PSPC1: variants seen among roughly 807,000 people sequenced by gnomAD.
The protein encoded by PSPC1 is paraspeckle protein 1.
A neutral mutation model predicts 51.6 loss-of-function variants in PSPC1; 14 were observed. That is an observed-to-expected ratio of 0.27 (90% CI 0.18 to 0.42). The LOEUF (loss-of-function observed/expected upper bound fraction) is 0.42. Among genes scored for constraint, PSPC1 ranks in the 10% least tolerant of loss-of-function variants. PSPC1 has a pLI of 1.00. For synonymous variants in PSPC1, 193 were observed against 231.9 expected (o/e 0.83, Z 1.53); for missense variants, 406 against 701.1 (o/e 0.58, Z 4.75).
chr13:19,719,243 A>G (rs1344547441), intron 6 of PSPC1, among the ~76,000 whole-genome samples: 1 of 152,124 alleles, frequency 6.6e-6, no homozygotes, highest in Non-Finnish European at 1.5e-5. Flanking sequence ...TACCTTCCAC[A>G]TAATCTTGCT....
chr13:19,780,985 C>T (rs1401178372), intron 1 of PSPC1, among the ~76,000 whole-genome samples: 2 of 151,740 alleles, frequency 1.3e-5, no homozygotes, highest in Non-Finnish European at 2.9e-5. Context: ...GGCGAAACAC[C>T]GCCTCTACAA....
Position 19,782,904 on chromosome 13 carries a change from TC to T in PSPC1, c.-148del. On this transcript the variant is annotated 5_prime_UTR_variant, in exon 1 of 9. An upstream open reading frame in the 5' UTR gains an earlier in-frame stop. Coordinates refer to ENST00000338910, the MANE Select transcript of PSPC1 (RefSeq NM_001354909.2). The surrounding 1 kb of genome is among the most constrained non-coding windows in gnomAD (Gnocchi z 4.5). ...AGGTAGGCGAGTCGGCAACCCGTCCTCCCCCAACTCACGCCCGCTGCAGCTG... is the reference window on the plus strand; with the variant it reads ...AGGTAGGCGAGTCGGCAACCCGTCCTCCCCAACTCACGCCCGCTGCAGCTG... 2 of 856,230 alleles carry T rather than the reference TC, an allele frequency of 2.3e-6. No homozygotes were observed. Among genetic ancestry groups the T allele is most frequent in the Non-Finnish European group, 3.3e-6 (2 of 615,046 alleles). 53.0% of individuals were successfully genotyped at this position (856,230 alleles called of 1,614,324 possible).
At chr13:19,706,474 C>A (rs1028049991) in intron 7 of PSPC1, among the ~76,000 whole-genome samples, 4 of 151,716 alleles carry the variant, frequency 2.6e-5, no homozygotes, top group African/African-American at 9.7e-5. Context: ...TTAAAAGCAA[C>A]CGCAACCAAA....
At chr13:19,711,508 G>A (rs1881416934) in intron 6 of PSPC1, among the ~76,000 whole-genome samples, 2 of 151,884 alleles carry the variant, frequency 1.3e-5, no homozygotes, top group African/African-American at 2.4e-5. Context: ...TGTGGTGGCA[G>A]GCGCCCGTAG....
chr13:19,676,882 G>A (rs542842551), intron 7 of PSPC1, among the ~76,000 whole-genome samples: 72 of 152,266 alleles, frequency 4.7e-4, no homozygotes, highest in Non-Finnish European at 6.2e-4. Flanking sequence ...CCGAAAAATT[G>A]TGACCCCTCT....
downstream of PSPC1, among the ~76,000 whole-genome samples, chr13:19,699,670 A>G (rs1164800376): frequency 3.6e-5 from 5 of 140,822 alleles, no homozygotes; most frequent in African/African-American, 1.0e-4. Flanking sequence ...TGAAATATTT[A>G]AGGGACAAGT....
chr13:19,732,457 A>C (rs1484645004), intron 5 of PSPC1, among the ~76,000 whole-genome samples: 1 of 152,192 alleles, frequency 6.6e-6, no homozygotes, highest in Non-Finnish European at 1.5e-5. Flanking sequence ...CTAATAATAT[A>C]CTTATATGCT....
intron 2 of PSPC1, among the ~76,000 whole-genome samples, chr13:19,760,849 G>A (rs1418558514): frequency 5.9e-5 from 9 of 151,642 alleles, no homozygotes; most frequent in African/African-American, 1.7e-4. Flanking sequence ...TTAGCCGGGC[G>A]TGGTGGTGCA....
intron 1 of PSPC1, among the ~76,000 whole-genome samples, chr13:19,773,159 C>T (rs963491539): frequency 2.7e-5 from 4 of 150,778 alleles, no homozygotes; most frequent in South Asian, 2.1e-4. Flanking sequence ...GACTCTGTCT[C>T]GGAAAAAATA....
rs1876870173 is a variant in PSPC1 at position 19,678,087 on chromosome 13, A to G, written c.1159-264T>C. The G allele has an allele frequency of 7.0e-6, 2 of 284,114 alleles. 1 individual carries two copies. Among genetic ancestry groups the G allele is most frequent in the Non-Finnish European group, 1.4e-5 (2 of 145,444 alleles). The allele number at this position is 284,114 out of a possible 1,614,324, so 17.6% of individuals were successfully genotyped here. On this transcript the variant is annotated intron_variant and NMD_transcript_variant, in intron 6 of 7. Coordinates refer to the PSPC1 transcript ENST00000471658. Reference sequence around the variant, plus strand: ...TAAACAGTATTAAGTCCTAAATACCAAATAATTTTCAGATCTGCTAATAAT... The same window carrying G: ...TAAACAGTATTAAGTCCTAAATACCGAATAATTTTCAGATCTGCTAATAAT...
chr13:19,751,367 C>G lies in PSPC1; in HGVS notation c.871G>C (p.Glu291Gln). Residue 291 changes from glutamate to glutamine, a missense_variant, in exon 4 of 9, where the codon GAG becomes CAG. This residue lies in a region of PSPC1 where 180 missense variants were observed against 337.9 expected (regional missense o/e 0.53). Transcript: ENST00000338910. Reference protein sequence around the residue: ...ALDEMEKQQREQVDRNIREAK... With the variant: ...ALDEMEKQQRQQVDRNIREAK... ...TCTCTGATGTTTCTATCAACCTGCT[C>G]ACGCTGCTGCTTTTCCATTTCATCA... 1 of 1,594,038 alleles carries G rather than the reference C, an allele frequency of 6.3e-7. No homozygotes were observed. The highest frequency in any genetic ancestry group is 8.5e-7 in the Non-Finnish European group (1 of 1,173,276).
chr13:19,729,452 G>A (rs1253743954), intron 6 of PSPC1, among the ~76,000 whole-genome samples: 5 of 151,382 alleles, frequency 3.3e-5, no homozygotes, highest in South Asian at 2.1e-4. Context: ...CAGGAGAATC[G>A]CTTGAACCTG....
At chr13:19,671,472 G>A (rs962802763), downstream of PSPC1, among the ~76,000 whole-genome samples, 3 of 152,130 alleles carry the variant, frequency 2.0e-5, no homozygotes, top group African/African-American at 7.2e-5. Flanking sequence ...TAATAATGCG[G>A]CAGGAAAAGA....
At chr13:19,715,906 C>A (rs978396829) in intron 6 of PSPC1, among the ~76,000 whole-genome samples, 1 of 151,832 alleles carries the variant, frequency 6.6e-6, no homozygotes, top group Non-Finnish European at 1.5e-5. Flanking sequence ...CCCAGCTACT[C>A]GGGAGGCTGA....
chr13:19,680,216 T>C (rs985065936), intron 6 of PSPC1, among the ~76,000 whole-genome samples: 2 of 152,170 alleles, frequency 1.3e-5, no homozygotes, highest in Non-Finnish European at 2.9e-5. Context: ...GGTTTCACCA[T>C]GTTGGCCAGG....
intron 6 of PSPC1, among the ~76,000 whole-genome samples, chr13:19,723,236 A>T (rs1593622548): frequency 1.3e-5 from 2 of 152,164 alleles, no homozygotes; most frequent in East Asian, 3.9e-4. Context: ...AAACATGATA[A>T]TTTTTCTGGA....
At chr13:19,736,347 T>C (rs1884778689) in intron 5 of PSPC1, among the ~76,000 whole-genome samples, 1 of 152,114 alleles carries the variant, frequency 6.6e-6, no homozygotes, top group Non-Finnish European at 1.5e-5. Context: ...CTGATGCCCC[T>C]GTATACTGAG....
chr13:19,775,477 T>C (rs999872394), intron 1 of PSPC1, among the ~76,000 whole-genome samples: 4 of 152,122 alleles, frequency 2.6e-5, no homozygotes, highest in Non-Finnish European at 4.4e-5. Flanking sequence ...TACAGGAGGA[T>C]TGCATGGGTA....
At chr13:19,747,214 G>GA (rs1886086758) in intron 4 of PSPC1, among the ~76,000 whole-genome samples, 1 of 152,140 alleles carries the variant, frequency 6.6e-6, no homozygotes, top group Non-Finnish European at 1.5e-5. Context: ...AATTGTTATC[G>GA]AAAGAGGATG....
Sources: gnomAD v4.1 joint callset for allele counts (sites outside exome capture counted in the v4.1 genomes callset) on GRCh38, gnomAD v4.1.1 for gene constraint, gnomAD v4.1.1 regional missense constraint, Gnocchi (gnomAD v3.1) non-coding constraint, MANE v1.5 for transcripts, NCBI Gene and HGNC (gene_info 2026-07-23, HGNC 2026-07-21) for gene names.